KHDRBS2: variants seen among roughly 807,000 people sequenced by gnomAD.
KHDRBS2 encodes the protein KH domain-containing, RNA-binding, signal transduction-associated protein 2.
KHDRBS2 carries 26 observed loss-of-function variants against 44.3 expected under a neutral mutation model. That is an observed-to-expected ratio of 0.59 (90% CI 0.43 to 0.81). KHDRBS2 has a LOEUF of 0.81. Ranked by LOEUF, KHDRBS2 falls within the 40% of genes least tolerant of loss-of-function variation. The pLI, the probability that KHDRBS2 is intolerant of heterozygous loss-of-function variation, is 0.00. For missense variants in KHDRBS2, 476 were observed against 433.1 expected, an observed-to-expected ratio of 1.10 and a Z score of -0.88; for synonymous variants, 194 against 151.1, an observed-to-expected ratio of 1.28 and a Z score of -2.08.
chr6:61,732,388 CTT>C (rs1016826313), intron 7 of KHDRBS2, among the ~76,000 whole-genome samples: 1 of 150,998 alleles, frequency 6.6e-6, no homozygotes, highest in Non-Finnish European at 1.5e-5. Context: ...TTATTATTGT[CTT>C]TTAAAAAAAT....
chr6:61,559,948 C>G, the KHDRBS2 span, among the ~76,000 whole-genome samples: 18 of 152,058 alleles, frequency 1.2e-4, no homozygotes, highest in Non-Finnish European at 2.2e-4. Context: ...ATTAACATCC[C>G]TTTTTTCAGA....
At chr6:61,674,734 G>C in the KHDRBS2 span, among the ~76,000 whole-genome samples, 1 of 151,462 alleles carries the variant, frequency 6.6e-6, no homozygotes, top group East Asian at 2.0e-4. Flanking sequence ...CATTGTTTTA[G>C]CAACAGGCCT....
chr6:61,600,198 GA>G, the KHDRBS2 span, among the ~76,000 whole-genome samples: 1 of 152,134 alleles, frequency 6.6e-6, no homozygotes, highest in Non-Finnish European at 1.5e-5. Flanking sequence ...TCAGGCCTCT[GA>G]ACCCAAGCTA....
chr6:61,544,976 T>A, the KHDRBS2 span, among the ~76,000 whole-genome samples: 1 of 152,038 alleles, frequency 6.6e-6, no homozygotes, highest in Non-Finnish European at 1.5e-5. Context: ...ATATACCTAA[T>A]GCTAAATGAC....
At chr6:61,829,485 T>C (rs1024704671) in intron 6 of KHDRBS2, among the ~76,000 whole-genome samples, 1 of 152,072 alleles carries the variant, frequency 6.6e-6, no homozygotes, top group East Asian at 1.9e-4. Flanking sequence ...TTTAAGGAGA[T>C]TGCTTTGTTA....
intron 4 of KHDRBS2, among the ~76,000 whole-genome samples, chr6:61,964,984 G>C (rs550196539): frequency 2.6e-5 from 4 of 152,076 alleles, no homozygotes; most frequent in African/African-American, 9.7e-5. Flanking sequence ...CAGTATACTT[G>C]TATATTCATG....
rs60399147 is a variant in KHDRBS2, at chr6:61,818,266, T to TAAAAAAAAAAAAAAA, written c.810+76354_810+76368dup. On this transcript the variant is annotated intron_variant, in intron 6 of 8. Transcript: ENST00000281156. ...ATTGGGCAGAGAAAACCTCTGTAAG[T>TAAAAAAAAAAAAAAA]AAAAAAAAAAAAAAAAAGGATAGTA... Among the ~76,000 whole-genome samples the TAAAAAAAAAAAAAAA allele has an allele frequency of 5.2e-4, 59 of 114,400 alleles. 2 individuals are homozygous for TAAAAAAAAAAAAAAA. Among genetic ancestry groups the TAAAAAAAAAAAAAAA allele is most frequent in the African/African-American group, 1.8e-3 (58 of 31,828 alleles). 75.1% of individuals were successfully genotyped at this position (114,400 alleles called of 152,430 possible).
At chr6:61,805,851 A>C (rs2127591086) in intron 6 of KHDRBS2, among the ~76,000 whole-genome samples, 1 of 152,294 alleles carries the variant, frequency 6.6e-6, no homozygotes, top group African/African-American at 2.4e-5. Flanking sequence ...GATTACAATT[A>C]GAGATGAGAT....
chr6:61,826,399 G>C (rs1790862122), intron 6 of KHDRBS2, among the ~76,000 whole-genome samples: 5 of 152,080 alleles, frequency 3.3e-5, no homozygotes, highest in Admixed American at 3.3e-4. Context: ...CTTCTGATGG[G>C]CCAAGGTTTG....
At chr6:62,000,580 G>T (rs1038121631) in intron 3 of KHDRBS2, among the ~76,000 whole-genome samples, 4 of 152,184 alleles carry the variant, frequency 2.6e-5, no homozygotes, top group Admixed American at 2.0e-4. Flanking sequence ...CAGTGTTCTT[G>T]TAAGTGGTCA....
chr6:62,211,642 G>C (rs78345996), intron 1 of KHDRBS2, among the ~76,000 whole-genome samples: 2,111 of 152,202 alleles, frequency 0.014, 26 homozygotes, highest in Non-Finnish European at 0.023. Context: ...AGGAATACAT[G>C]TGCAGGTTTG....
chr6:61,877,622 C>T (rs1005480279), intron 6 of KHDRBS2, among the ~76,000 whole-genome samples: 12 of 151,722 alleles, frequency 7.9e-5, no homozygotes, highest in Non-Finnish European at 1.5e-4. Context: ...ATACAAACTA[C>T]TTTTAAAAAA....
At position 62,239,488 on chromosome 6, in the gene KHDRBS2, G is replaced by A. The variant is rs138586878; in HGVS notation, c.91+46370C>T. Among the ~76,000 whole-genome samples, 247 of 152,038 alleles carry A rather than the reference G, an allele frequency of 1.6e-3. 3 individuals are homozygous for A. The highest frequency in any genetic ancestry group is 4.2e-3 in the Admixed American group (64 of 15,266). On this transcript the variant is annotated intron_variant, in intron 1 of 8. Coordinates refer to ENST00000281156, the MANE Select transcript of KHDRBS2 (RefSeq NM_152688.4). ...CTCGGGAGGCTGAGGCAGAAGAATC[G>A]CCTGAACCCTGGAGGCGGACGTTGC...
chr6:61,597,726 C>T, the KHDRBS2 span, among the ~76,000 whole-genome samples: 3 of 47,672 alleles, frequency 6.3e-5, no homozygotes, highest in Non-Finnish European at 1.4e-4. Flanking sequence ...TGGAATTTTG[C>T]ACCTTTTATA....
chr6:61,848,723 T>C (rs961807934), intron 6 of KHDRBS2, among the ~76,000 whole-genome samples: 1 of 149,298 alleles, frequency 6.7e-6, no homozygotes, highest in Non-Finnish European at 1.5e-5. Flanking sequence ...TACCTCGAAA[T>C]ACTGCAATCA....
chr6:61,556,824 T>C, the KHDRBS2 span, among the ~76,000 whole-genome samples: 1 of 148,964 alleles, frequency 6.7e-6, no homozygotes, highest in Non-Finnish European at 1.5e-5. Flanking sequence ...TTTAATAAAA[T>C]TAATAATAGT....
At chr6:61,623,084 C>A in the KHDRBS2 span, among the ~76,000 whole-genome samples, 1 of 151,944 alleles carries the variant, frequency 6.6e-6, no homozygotes, top group East Asian at 1.9e-4. Flanking sequence ...ATTAGATGGA[C>A]AGTCAATGAG....
intron 6 of KHDRBS2, among the ~76,000 whole-genome samples, chr6:61,784,459 AAG>A (rs1582827124): frequency 6.6e-6 from 1 of 151,930 alleles, no homozygotes; most frequent in African/African-American, 2.4e-5. Flanking sequence ...CAACATGAGT[AAG>A]AGTGCTTTAT....
At chr6:62,050,423 T>G (rs1788736000) in intron 2 of KHDRBS2, among the ~76,000 whole-genome samples, 1 of 75,206 alleles carries the variant, frequency 1.3e-5, no homozygotes, top group South Asian at 4.5e-4. Flanking sequence ...TCCCAGAACT[T>G]AAAGTTAAAA....
Sources: allele counts gnomAD v4.1 joint callset (sites outside exome capture counted in the v4.1 genomes callset), GRCh38; gene constraint gnomAD v4.1.1; transcripts MANE v1.5; gene names NCBI Gene and HGNC (gene_info 2026-07-23, HGNC 2026-07-21).